Variants in TAFA1 observed in about 807,000 individuals in gnomAD.
The protein encoded by TAFA1 is TAFA chemokine like family member 1.
In TAFA1, 4 loss-of-function variants were observed where a neutral mutation model predicts 18.5. The ratio of observed to expected loss-of-function variants is 0.22; its 90% CI spans 0.11 to 0.49. TAFA1 has a LOEUF of 0.49. Ranked by LOEUF, TAFA1 falls within the 20% of genes least tolerant of loss-of-function variation. The pLI is 0.98. For synonymous variants in TAFA1, 56 were observed against 55.2 expected, an observed-to-expected ratio of 1.01 and a Z score of -0.06; for missense variants, 147 against 169.0, an observed-to-expected ratio of 0.87 and a Z score of 0.72.
At chr3:68,464,962 GGCA>G (rs2071858186) in intron 3 of TAFA1, among the ~76,000 whole-genome samples, 1 of 151,988 alleles carries the variant, frequency 6.6e-6, no homozygotes, top group Non-Finnish European at 1.5e-5. Context: ...ATTTTATTTG[GGCA>G]GCAGCATACT....
intron 2 of TAFA1, among the ~76,000 whole-genome samples, chr3:68,223,330 G>C (rs940376755): frequency 6.6e-6 from 1 of 152,126 alleles, no homozygotes; most frequent in African/African-American, 2.4e-5. Flanking sequence ...CAATAAATGA[G>C]CACTTACTAT....
At chr3:68,216,524 C>T (rs1035277611) in intron 2 of TAFA1, among the ~76,000 whole-genome samples, 10 of 152,136 alleles carry the variant, frequency 6.6e-5, no homozygotes, top group Admixed American at 6.6e-4. Flanking sequence ...AAGTTGTATT[C>T]CACAAAAGCA....
chr3:68,503,908 C>A (rs2072704354), intron 3 of TAFA1, among the ~76,000 whole-genome samples: 1 of 152,028 alleles, frequency 6.6e-6, no homozygotes, highest in Non-Finnish European at 1.5e-5. Flanking sequence ...ATTATAATGA[C>A]AATTACCTTG....
chr3:68,309,700 GC>G (rs1188831787), intron 2 of TAFA1, among the ~76,000 whole-genome samples: 1 of 152,182 alleles, frequency 6.6e-6, no homozygotes, highest in Non-Finnish European at 1.5e-5. Flanking sequence ...ACTTACTTGA[GC>G]AAAAATATAA....
chr3:68,233,446 C>T (rs1339062857), intron 2 of TAFA1, among the ~76,000 whole-genome samples: 3 of 152,090 alleles, frequency 2.0e-5, no homozygotes, highest in African/African-American at 7.2e-5. Flanking sequence ...GAAGTAAATA[C>T]ATGGATTTAT....
chr3:68,126,258 C>G (rs1378019094), intron 2 of TAFA1, among the ~76,000 whole-genome samples: 1 of 152,158 alleles, frequency 6.6e-6, no homozygotes, highest in Non-Finnish European at 1.5e-5. Context: ...ATCTGGCCAC[C>G]CGTAAGCATT....
chr3:68,526,617 T>G (rs1403563522), intron 3 of TAFA1, among the ~76,000 whole-genome samples: 1 of 152,104 alleles, frequency 6.6e-6, no homozygotes, highest in Non-Finnish European at 1.5e-5. Flanking sequence ...TCATGGTAAA[T>G]TTGTAGCAAT....
intron 2 of TAFA1, among the ~76,000 whole-genome samples, chr3:68,381,305 AG>A (rs1203077212): frequency 6.6e-6 from 1 of 151,434 alleles, no homozygotes; most frequent in Non-Finnish European, 1.5e-5. Flanking sequence ...AATTCTGTGA[AG>A]AAAGTCATTG....
At chr3:68,521,245 C>A (rs1179557103) in intron 3 of TAFA1, among the ~76,000 whole-genome samples, 2 of 152,304 alleles carry the variant, frequency 1.3e-5, no homozygotes, top group East Asian at 1.9e-4. Flanking sequence ...CCCCAGCAGA[C>A]CTTTGCTTGC....
chr3:68,312,810 T>C (rs988412090), intron 2 of TAFA1, among the ~76,000 whole-genome samples: 2 of 152,190 alleles, frequency 1.3e-5, no homozygotes, highest in African/African-American at 4.8e-5. Context: ...ACCCCACTCA[T>C]GGTAACAATT....
rs1375785226 is a variant in TAFA1, at chr3:68,544,536, C to T, written c.*33C>T. On this transcript the variant is annotated 3_prime_UTR_variant, in exon 5 of 5. Transcript: ENST00000478136. ...ATTTGTGGTAGTAAAGGAAAACCAA[C>T]CCTCTGGAAAATACATTTTGAGAAT... The T allele has an allele frequency of 2.5e-6, 4 of 1,608,132 alleles. No individual in the cohort carries two copies. Among genetic ancestry groups the T allele is most frequent in the Non-Finnish European group, 2.6e-6 (3 of 1,175,286 alleles).
intron 3 of TAFA1, among the ~76,000 whole-genome samples, chr3:68,532,944 G>A (rs183429391): frequency 7.3e-5 from 11 of 151,322 alleles, no homozygotes; most frequent in Admixed American, 3.9e-4. Flanking sequence ...CAATTTGGAG[G>A]TTTATTTTGC....
At chr3:68,445,781 A>G (rs1187710663) in intron 3 of TAFA1, among the ~76,000 whole-genome samples, 2 of 152,166 alleles carry the variant, frequency 1.3e-5, no homozygotes, top group African/African-American at 4.8e-5. Context: ...ACAATTTCCA[A>G]GTGCTGCTGC....
intron 3 of TAFA1, among the ~76,000 whole-genome samples, chr3:68,418,226 A>AG (rs2070880444): frequency 6.6e-6 from 1 of 152,088 alleles, no homozygotes; most frequent in Non-Finnish European, 1.5e-5. Flanking sequence ...AGGTGGGCCG[A>AG]GTCCCAAAAG....
intron 3 of TAFA1, among the ~76,000 whole-genome samples, chr3:68,479,503 A>G (rs2072186101): frequency 6.6e-6 from 1 of 152,006 alleles, no homozygotes; most frequent in African/African-American, 2.4e-5. Flanking sequence ...AGTTTACATT[A>G]TAGGCATCTA....
At position 68,268,475 on chromosome 3, in the gene TAFA1, G is replaced by A. The variant is rs116525269; in HGVS notation, c.119-148805G>A. Among the ~76,000 whole-genome samples the A allele has an allele frequency of 7.5e-3, 1,144 of 152,136 alleles. 19 individuals are homozygous for A. Among genetic ancestry groups the A allele is most frequent in the African/African-American group, 0.026 (1,068 of 41,494 alleles). On this transcript the variant is annotated intron_variant, in intron 2 of 4. Coordinates refer to ENST00000478136, the MANE Select transcript of TAFA1 (RefSeq NM_213609.4). ...GTCAGCTAAATATTAGAGTCCTTGA[G>A]ATATTTTCTTCCTGTGATATTTGAC... is the stretch of plus-strand genomic sequence containing the variant.
chr3:68,294,792 G>A (rs945267379), intron 2 of TAFA1, among the ~76,000 whole-genome samples: 22 of 152,074 alleles, frequency 1.4e-4, no homozygotes, highest in African/African-American at 4.3e-4. Flanking sequence ...TGGGTGGATC[G>A]TTTGAGCCTG....
chr3:68,116,769 C>CA (rs2065329605), intron 2 of TAFA1, among the ~76,000 whole-genome samples: 2 of 152,174 alleles, frequency 1.3e-5, no homozygotes, highest in Non-Finnish European at 2.9e-5. Flanking sequence ...TCTTCCAAGG[C>CA]ACAGAACAAA....
At chr3:68,520,578 C>T (rs566904766) in intron 3 of TAFA1, among the ~76,000 whole-genome samples, 81 of 152,296 alleles carry the variant, frequency 5.3e-4, no homozygotes, top group Non-Finnish European at 1.0e-3. Context: ...GTTAGTATTA[C>T]TCCATTGTGA....
Sources: allele counts gnomAD v4.1 joint callset (sites outside exome capture counted in the v4.1 genomes callset), GRCh38; gene constraint gnomAD v4.1.1; transcripts MANE v1.5; gene names NCBI Gene and HGNC (gene_info 2026-07-23, HGNC 2026-07-21).